EYS: variants seen among roughly 807,000 people sequenced by gnomAD.
The protein encoded by EYS is EGF-like photoreceptor maintenance factor.
A neutral mutation model predicts 282.1 loss-of-function variants in EYS; 250 were observed. That is an observed-to-expected ratio of 0.89 (90% CI 0.80 to 0.98). EYS has a LOEUF of 0.98. EYS is among the 50% of genes least tolerant of loss of function. The pLI, the probability that EYS is intolerant of heterozygous loss-of-function variation, is 0.00. For missense variants in EYS, 4,016 were observed against 3,709.0 expected, an observed-to-expected ratio of 1.08 and a Z score of -2.15; for synonymous variants, 1,355 against 1,282.9, an observed-to-expected ratio of 1.06 and a Z score of -1.20.
intron 18 of EYS, among the ~76,000 whole-genome samples, chr6:64,889,363 G>A (rs1301362087): frequency 6.6e-6 from 1 of 151,140 alleles, no homozygotes; most frequent in Non-Finnish European, 1.5e-5. Context: ...ATTTTTTTTT[G>A]TCTGTATAGT....
chr6:63,800,848 A>G (rs1310699965), intron 37 of EYS, among the ~76,000 whole-genome samples: 1 of 152,244 alleles, frequency 6.6e-6, no homozygotes, highest in African/African-American at 2.4e-5. Flanking sequence ...GACTCAAAGA[A>G]GAATGATCTT....
intron 40 of EYS, among the ~76,000 whole-genome samples, chr6:63,775,083 A>G (rs532038171): frequency 6.6e-6 from 1 of 152,302 alleles, no homozygotes; most frequent in East Asian, 1.9e-4. Context: ...CCAGGAGCAT[A>G]AAGGCCTGAA....
chr6:65,504,313 C>T (rs1381651493), intron 2 of EYS, among the ~76,000 whole-genome samples: 1 of 151,604 alleles, frequency 6.6e-6, no homozygotes, highest in Non-Finnish European at 1.5e-5. Flanking sequence ...TGGACCCATG[C>T]TATACTGACT....
chr6:64,136,635 G>A (rs916568961), intron 31 of EYS, among the ~76,000 whole-genome samples: 2 of 152,076 alleles, frequency 1.3e-5, no homozygotes, highest in African/African-American at 2.4e-5. Context: ...CTCCGTCAGA[G>A]CTCTTGGATG....
chr6:64,566,696 T>A (rs1212839444), intron 26 of EYS, among the ~76,000 whole-genome samples: 1 of 152,164 alleles, frequency 6.6e-6, no homozygotes, highest in African/African-American at 2.4e-5. Context: ...ATTAAAATCA[T>A]GTATTAAAAG....
intron 37 of EYS, among the ~76,000 whole-genome samples, chr6:63,799,519 G>A (rs1317479968): frequency 1.3e-5 from 2 of 152,096 alleles, no homozygotes; most frequent in East Asian, 3.9e-4. Flanking sequence ...TCCACAGAGA[G>A]ACTTTCAGTT....
chr6:63,882,772 A>G (rs1230403232), intron 35 of EYS, among the ~76,000 whole-genome samples: 6 of 152,150 alleles, frequency 3.9e-5, no homozygotes, highest in Non-Finnish European at 8.8e-5. Flanking sequence ...CCGAAACATA[A>G]AAAATGCAAA....
chr6:65,144,936 G>T (rs1185969289), intron 12 of EYS, among the ~76,000 whole-genome samples: 2 of 151,336 alleles, frequency 1.3e-5, no homozygotes, highest in Non-Finnish European at 3.0e-5. Flanking sequence ...CATTTGGCTT[G>T]TTTTTTGTAT....
chr6:63,752,357 AT>A, intron 41 of EYS, among the ~76,000 whole-genome samples: 1 of 149,982 alleles, frequency 6.7e-6, no homozygotes. Flanking sequence ...ATGACAATAT[AT>A]TTATAGTACT....
intron 28 of EYS, among the ~76,000 whole-genome samples, chr6:64,435,188 G>A (rs950486868): frequency 1.3e-5 from 2 of 151,962 alleles, no homozygotes; most frequent in African/African-American, 4.8e-5. Context: ...GAAAAAAGAT[G>A]ATTTATTAAA....
intron 2 of EYS, among the ~76,000 whole-genome samples, chr6:65,627,214 A>G (rs116760251): frequency 0.013 from 1,957 of 152,336 alleles, 29 homozygotes; most frequent in African/African-American, 0.044. Flanking sequence ...GTATTACGCA[A>G]GAGTGAAACA....
At chr6:63,726,472 A>G (rs577677156) in intron 42 of EYS, 47 bp downstream of exon 42, 14 of 1,488,826 alleles carry the variant, frequency 9.4e-6, no homozygotes, top group Non-Finnish European at 1.1e-5. Context: ...ATTACTTAAT[A>G]GACTATTAGG....
chr6:63,750,977 TTG>T (rs1769327842), intron 41 of EYS, among the ~76,000 whole-genome samples: 1 of 152,220 alleles, frequency 6.6e-6, no homozygotes, highest in Non-Finnish European at 1.5e-5. Context: ...GCAATATGCT[TTG>T]TGAATTTCAC....
At chr6:64,680,223 T>C (rs1415061031) in intron 22 of EYS, among the ~76,000 whole-genome samples, 3 of 152,156 alleles carry the variant, frequency 2.0e-5, no homozygotes, top group African/African-American at 7.2e-5. Context: ...CAGACTGCCT[T>C]AGTAGTAAAG....
At chr6:65,468,497 A>AG (rs374575652) in intron 5 of EYS, among the ~76,000 whole-genome samples, 5 of 152,002 alleles carry the variant, frequency 3.3e-5, no homozygotes, top group African/African-American at 4.8e-5. Context: ...TTATTTATTT[A>AG]TTTAGTTAGT....
Position 65,226,366 on chromosome 6 carries a change from GA to G in EYS, c.2023+69496del, listed in dbSNP as rs529095555. Among the ~76,000 whole-genome samples the G allele has an allele frequency of 4.4e-3, 666 of 151,560 alleles. 5 individuals carry two copies. The highest frequency in any genetic ancestry group is 0.014 in the African/African-American group (587 of 41,346). On this transcript the variant is annotated intron_variant, in intron 12 of 42. Coordinates refer to ENST00000503581, the MANE Select transcript of EYS (RefSeq NM_001142800.2). ...ACACTCTAAACTGCAGAATATTACTGAAAAAAAATTAAAAAACTAAATAAAT... is the reference window on the plus strand; with the variant it reads ...ACACTCTAAACTGCAGAATATTACTGAAAAAAATTAAAAAACTAAATAAAT...
At chr6:64,178,728 C>T (rs907345058) in intron 31 of EYS, among the ~76,000 whole-genome samples, 2 of 151,898 alleles carry the variant, frequency 1.3e-5, no homozygotes, top group Admixed American at 6.6e-5. Flanking sequence ...GCACTTTAAA[C>T]GCAGTGAAAT....
chr6:64,930,778 A>G (rs948120658), intron 15 of EYS, among the ~76,000 whole-genome samples: 3 of 152,118 alleles, frequency 2.0e-5, no homozygotes, highest in Non-Finnish European at 2.9e-5. Context: ...TAGTGTCCAT[A>G]AGAAAAGCAG....
At position 65,324,942 on chromosome 6, in the gene EYS, C is replaced by T. The variant is rs1769579061; in HGVS notation, c.1766+10038G>A. 2.0e-5 allele frequency among the ~76,000 whole-genome samples: 3 copies of T among 152,238 alleles called. No homozygotes were observed. In the South Asian group the frequency reaches 6.2e-4, roughly 32 times the overall value. On this transcript the variant is annotated intron_variant, in intron 11 of 42. Coordinates refer to ENST00000503581, the MANE Select transcript of EYS (RefSeq NM_001142800.2). The stretch of plus-strand genomic sequence containing the variant: ...TGACAAAGCATGGCCTTTAAGAGAT[C>T]AGAAGTAAAAGATATTTTAGCACAG...
Sources: gnomAD v4.1 joint callset for allele counts (sites outside exome capture counted in the v4.1 genomes callset) on GRCh38, gnomAD v4.1.1 for gene constraint, MANE v1.5 for transcripts, NCBI Gene and HGNC (gene_info 2026-07-23, HGNC 2026-07-21) for gene names.